The following AFF2 variants were observed in gnomAD, a reference collection of about 807,000 sequenced individuals.
AFF2 encodes AF4/FMR2 family member 2.
A neutral mutation model predicts 76.9 loss-of-function variants in AFF2; 14 were observed. That is an observed-to-expected ratio of 0.18 (90% CI 0.12 to 0.28). The LOEUF is 0.28. AFF2 is among the 10% of genes least tolerant of loss of function. The pLI is 1.00. For missense variants in AFF2, 868 were observed against 1,001.1 expected (o/e 0.87, Z 1.79); for synonymous variants, 398 against 366.7 (o/e 1.09, Z -0.98).
At chrX:148,514,668 A>T (rs1286950126) in intron 1 of AFF2, among the ~76,000 whole-genome samples, 1 of 112,163 alleles carries the variant, frequency 8.9e-6, no homozygotes. Flanking sequence ...GACAAGCCTG[A>T]TGTTACTTCT....
chrX:148,656,656 C>T (rs1265947475), intron 2 of AFF2, among the ~76,000 whole-genome samples: 2 of 105,922 alleles, frequency 1.9e-5, no homozygotes, highest in African/African-American at 7.0e-5. Context: ...CCCGCCACTA[C>T]GCCCGGCTAA....
chrX:148,634,518 T>C (rs782642155), intron 1 of AFF2, among the ~76,000 whole-genome samples: 1 of 111,773 alleles, frequency 8.9e-6, no homozygotes, highest in Non-Finnish European at 1.9e-5. Context: ...AACATTTCCA[T>C]GGTCACTTTT....
chrX:148,773,788 G>A (rs149660853), intron 3 of AFF2, among the ~76,000 whole-genome samples: 128 of 110,369 alleles, frequency 1.2e-3, no homozygotes, highest in African/African-American at 3.8e-3. Context: ...ATTGTCAAAG[G>A]TTTAGTGGTA....
At position 148,734,533 on chromosome X, in the gene AFF2, A is replaced by T. The variant is rs782502170; in HGVS notation, c.1041+71765A>T. The stretch of plus-strand genomic sequence containing the variant: ...TTCAATTCGCCACACTGACTACTAC[A>T]TTATCTTCCTTTGTTGAATCAGGAA... On this transcript the variant is annotated intron_variant, in intron 3 of 20. Transcript: ENST00000370460. 1.7e-3 allele frequency among the ~76,000 whole-genome samples: 193 copies of T among 111,654 alleles called. 2 individuals are homozygous for T. The highest frequency in any genetic ancestry group is 6.2e-3 in the African/African-American group (191 of 30,773).
intron 3 of AFF2, among the ~76,000 whole-genome samples, chrX:148,687,051 A>G (rs1557260401): frequency 1.8e-5 from 2 of 111,963 alleles, no homozygotes. Flanking sequence ...TAGTCTCTAT[A>G]GATACTTTAA....
chrX:148,859,419 C>T (rs190947792), intron 7 of AFF2, among the ~76,000 whole-genome samples: 1 of 110,506 alleles, frequency 9.0e-6, no homozygotes, highest in East Asian at 2.8e-4. Flanking sequence ...AATGAAAATA[C>T]CTTTAGTAAA....
At chrX:148,854,116 C>T (rs1557275686) in intron 7 of AFF2, among the ~76,000 whole-genome samples, 2 of 111,620 alleles carry the variant, frequency 1.8e-5, no homozygotes. Flanking sequence ...CAGGTTGCTA[C>T]TATGGTAACC....
intron 3 of AFF2, among the ~76,000 whole-genome samples, chrX:148,782,557 A>G (rs1317495532): frequency 8.9e-6 from 1 of 112,256 alleles, no homozygotes; most frequent in Non-Finnish European, 1.9e-5. Flanking sequence ...TAAGGAATTA[A>G]GGATTTTGCT....
At chrX:148,544,320 C>T (rs1316106452) in intron 1 of AFF2, among the ~76,000 whole-genome samples, 1 of 112,382 alleles carries the variant, frequency 8.9e-6, no homozygotes, top group Non-Finnish European at 1.9e-5. Context: ...TCCTATATAC[C>T]CATGACTGTT....
At chrX:148,774,558 T>C (rs140726385) in intron 3 of AFF2, among the ~76,000 whole-genome samples, 24 of 111,622 alleles carry the variant, frequency 2.2e-4, no homozygotes, top group African/African-American at 7.5e-4. Flanking sequence ...TCAGCCTCTC[T>C]GTGTGTTTCC....
chrX:148,648,867 T>C (rs1557255960), intron 1 of AFF2, among the ~76,000 whole-genome samples: 1 of 111,628 alleles, frequency 9.0e-6, no homozygotes, highest in African/African-American at 3.3e-5. Context: ...GTTGGAAAAA[T>C]ATCCTAACTT....
chrX:148,648,974 C>T (rs1187250524), intron 1 of AFF2, among the ~76,000 whole-genome samples: 6 of 111,904 alleles, frequency 5.4e-5, no homozygotes, highest in African/African-American at 2.0e-4. Flanking sequence ...TTCATCCTGT[C>T]TTCATCACAG....
intron 18 of AFF2, among the ~76,000 whole-genome samples, chrX:148,980,470 G>A (rs1358812148): frequency 2.7e-5 from 3 of 111,697 alleles, no homozygotes; most frequent in Non-Finnish European, 3.8e-5. Context: ...TTGGAGAACC[G>A]AGTCTGATTT....
At chrX:148,637,932 T>C (rs1339681299) in intron 1 of AFF2, among the ~76,000 whole-genome samples, 1 of 110,186 alleles carries the variant, frequency 9.1e-6, no homozygotes, top group Non-Finnish European at 1.9e-5. Flanking sequence ...GGGTTGAATG[T>C]GTAAACTGCA....
At chrX:148,916,999 G>A (rs781796132) in intron 9 of AFF2, among the ~76,000 whole-genome samples, 2 of 112,420 alleles carry the variant, frequency 1.8e-5, no homozygotes, top group Non-Finnish European at 3.8e-5. Context: ...TTGAGTATGC[G>A]TTTAGTCTTA....
In AFF2 at chrX:148,966,937, A is replaced by G. The variant is rs1169976205; in HGVS notation, c.3061A>G (p.Thr1021Ala). ...TATATTTTTT[T>A]TISTITSTIT... is the part of the protein sequence containing the mutation. ...CACGGCCACCACCACAACTACTACC[A>G]CTACCATTTCCACCATCACCTCTAC... Residue 1021 changes from threonine (T) to alanine (A), a missense_variant, in exon 14 of 21, where the codon ACT becomes GCT. Physicochemically the swap from Thr to Ala is moderately conservative, Grantham distance 58 (BLOSUM62 0). Around this residue, in one of 6 missense-constraint regions of AFF2, gnomAD observed 532 missense variants for 564.2 expected, o/e 0.94. Transcript: ENST00000370460. The G allele has an allele frequency of 8.3e-7, 1 of 1,208,666 alleles. No individual in the cohort carries two copies. Among genetic ancestry groups the G allele is most frequent in the Non-Finnish European group, 1.1e-6 (1 of 894,960 alleles).
At chrX:148,985,315 TTTTTA>T in intron 19 of AFF2, among the ~76,000 whole-genome samples, 1 of 80,726 alleles carries the variant, frequency 1.2e-5, no homozygotes, top group African/African-American at 4.7e-5. Flanking sequence ...TTTTTTTTTT[TTTTTA>T]TGATACAGCC....
In AFF2 at chrX:148,531,472, T is replaced by C. The variant is rs181084385; in HGVS notation, c.47+30328T>C. Among the ~76,000 whole-genome samples, 178 of 112,314 alleles carry C rather than the reference T, an allele frequency of 1.6e-3. 2 individuals carry two copies. The highest frequency in any genetic ancestry group is 0.015 in the Admixed American group (160 of 10,590). The stretch of plus-strand genomic sequence containing the variant: ...CCGAGTTCTACTGAGGCAAGAGGAA[T>C]TCAAATATGCATTCATTTGTGCATG... On this transcript the variant is annotated intron_variant, in intron 1 of 20. Coordinates refer to ENST00000370460, the MANE Select transcript of AFF2 (RefSeq NM_002025.4).
chrX:148,569,276 A>G (rs2053201836), intron 1 of AFF2, among the ~76,000 whole-genome samples: 1 of 111,360 alleles, frequency 9.0e-6, no homozygotes, highest in African/African-American at 3.3e-5. Flanking sequence ...AAAACTCTGC[A>G]TATAGAAGAT....
Sources: gnomAD v4.1 joint callset for allele counts (sites outside exome capture counted in the v4.1 genomes callset) on GRCh38, gnomAD v4.1.1 for gene constraint, gnomAD v4.1.1 regional missense constraint, MANE v1.5 for transcripts, NCBI Gene and HGNC (gene_info 2026-07-23, HGNC 2026-07-21) for gene names.